Variants in CYP26C1 observed in about 807,000 individuals in gnomAD.
CYP26C1 encodes cytochrome P450 family 26 subfamily C member 1.
A neutral mutation model predicts 39.1 loss-of-function variants in CYP26C1; 41 were observed. The ratio of observed to expected loss-of-function variants is 1.05; its 90% CI spans 0.82 to 1.36. CYP26C1 has a LOEUF of 1.36. Among genes scored for constraint, CYP26C1 ranks in the 40% most tolerant of loss-of-function variants. The pLI is 0.00. For missense variants in CYP26C1, 833 were observed against 752.0 expected (o/e 1.11, Z -1.26); for synonymous variants, 362 against 350.8 (o/e 1.03, Z -0.36).
intron 4 of CYP26C1, among the ~76,000 whole-genome samples, chr10:93,065,372 C>G (rs1223158530): frequency 6.6e-6 from 1 of 152,196 alleles, no homozygotes; most frequent in African/African-American, 2.4e-5. Flanking sequence ...TTAGTGACTC[C>G]CTGGGACCAT....
intron 2 of CYP26C1, among the ~76,000 whole-genome samples, chr10:93,062,438 C>T (rs1846763936): frequency 6.6e-6 from 1 of 152,238 alleles, no homozygotes; most frequent in African/African-American, 2.4e-5. Flanking sequence ...TTTCATCTCC[C>T]ATCTTCCGTG....
chr10:93,063,036 C>G, intron 3 of CYP26C1, 41 bp downstream of exon 3: 1 of 1,508,906 alleles, frequency 6.6e-7, no homozygotes, highest in Non-Finnish European at 8.8e-7. Context: ...CGAGGCTCCG[C>G]GGCGCGGGCG....
At chr10:93,066,729 C>T (rs560098812) in intron 5 of CYP26C1, among the ~76,000 whole-genome samples, 3 of 152,300 alleles carry the variant, frequency 2.0e-5, no homozygotes, top group African/African-American at 7.2e-5. Context: ...TCATTGCGAC[C>T]GGTCCAGGGT....
rs1284847623 is a variant in CYP26C1, at chr10:93,062,947, G to T, written c.657G>T (p.Glu219Asp). ...CCCGGACCTTCGAGCAGCTCGTGGA[G>T]AACCTCTTCTCACTGCCTCTGGACG... ...TLARTFEQLV[E>D]NLFSLPLDVP... Residue 219 changes from glutamate (E) to aspartate (D), a missense_variant, in exon 3 of 6, where the codon GAG becomes GAT. Coordinates refer to ENST00000651965, the MANE Select transcript of CYP26C1 (RefSeq NM_183374.3). 5 of 1,602,460 alleles carry T rather than the reference G, an allele frequency of 3.1e-6. No individual in the cohort carries two copies. In the Admixed American group the frequency reaches 5.0e-5, roughly 16 times the overall value.
Position 93,061,259 on chromosome 10 carries a change from T to C in CYP26C1, c.-5T>C. 6.4e-7 allele frequency: 1 copy of C among 1,569,482 alleles called. No homozygotes were observed. Among genetic ancestry groups the C allele is most frequent in the Non-Finnish European group, 8.6e-7 (1 of 1,159,794 alleles). On this transcript the variant is annotated 5_prime_UTR_variant, in exon 1 of 6. Coordinates refer to ENST00000651965, the MANE Select transcript of CYP26C1 (RefSeq NM_183374.3). The stretch of plus-strand genomic sequence containing the variant: ...TCTGAGCGGCCTGGCCCCCGCGGGC[T>C]CATCATGTTCCCTTGGGGGCTGAGC...
intron 3 of CYP26C1, chr10:93,063,709 G>A: frequency 1.0e-6 from 1 of 983,364 alleles, no homozygotes; most frequent in Non-Finnish European, 1.2e-6. Context: ...AATCCTCGCA[G>A]CCTGCAAAGT....
chr10:93,068,211 C>T (rs1028703303), intron 5 of CYP26C1, 109 bp from the exon 6 acceptor site: 2 of 1,333,810 alleles, frequency 1.5e-6, no homozygotes, highest in African/African-American at 3.0e-5. Context: ...ATCGCGGATT[C>T]CTCCTGGTTT....
At position 93,066,108 on chromosome 10, in the gene CYP26C1, G is replaced by T. The variant is rs1395709363; in HGVS notation, c.1014G>T (p.Ala338=). 2.3e-6 allele frequency: 3 copies of T among 1,316,892 alleles called. No individual in the cohort carries two copies. Among genetic ancestry groups the T allele is most frequent in the Non-Finnish European group, 2.9e-6 (3 of 1,039,682 alleles). 81.6% of individuals were successfully genotyped at this position (1,316,892 alleles called of 1,614,324 possible). A position where few individuals can be genotyped will look rare whatever the true frequency, so the allele number is the denominator to read the frequency against. The change falls in exon 5 of 6, where the codon GCG becomes GCT. Residue 338 remains alanine (A), a synonymous_variant. Coordinates refer to ENST00000651965, the MANE Select transcript of CYP26C1 (RefSeq NM_183374.3). ...GGCTGGGGCGCGCGTGCGGCTGCGCGCCCGGGGCCGCTGGGGGCAGCGAGG... is the reference window on the plus strand; with the variant it reads ...GGCTGGGGCGCGCGTGCGGCTGCGCTCCCGGGGCCGCTGGGGGCAGCGAGG... ...AQGLGRACGC[A]PGAAGGSEGP...
intron 3 of CYP26C1, 135 bp from the exon 4 acceptor site, chr10:93,064,246 G>A: frequency 6.9e-7 from 1 of 1,442,190 alleles, no homozygotes; most frequent in Non-Finnish European, 9.1e-7. Flanking sequence ...CATATGCCAG[G>A]CCAGGAGCTA....
At chr10:93,066,767 G>T (rs1354649725) in intron 5 of CYP26C1, among the ~76,000 whole-genome samples, 1 of 152,156 alleles carries the variant, frequency 6.6e-6, no homozygotes, top group African/African-American at 2.4e-5. Flanking sequence ...TCCAGGGGAG[G>T]GGGGGATTAA....
chr10:93,063,362 C>T lies in CYP26C1; in HGVS notation c.705+367C>T, dbSNP rs1048882764. 1.3e-5 allele frequency: 14 copies of T among 1,041,364 alleles called. No individual in the cohort carries two copies. In the African/African-American group the frequency reaches 2.0e-4, roughly 15 times the overall value. The allele number at this position is 1,041,364 out of a possible 1,614,324, so 64.5% of individuals were successfully genotyped here. On this transcript the variant is annotated intron_variant, in intron 3 of 5. Coordinates refer to ENST00000651965, the MANE Select transcript of CYP26C1 (RefSeq NM_183374.3). ...CCCCTGGGGCCGGCCTCCATCACCT[C>T]TTCGGAAGCCCAGATGGCTGCGGAA... is the stretch of plus-strand genomic sequence containing the variant.
At position 93,063,004 on chromosome 10, in the gene CYP26C1, G is replaced by T; in HGVS notation, c.705+9G>T. 1.3e-6 allele frequency: 2 copies of T among 1,547,984 alleles called. No homozygotes were observed. The highest frequency in any genetic ancestry group is 1.7e-6 in the Non-Finnish European group (2 of 1,148,640). On this transcript the variant is annotated intron_variant, in intron 3 of 5. Transcript: ENST00000651965. ...TCAGTGGCCTACGCAAGGTACGGCCGCCCCGGCTCCAGACCTTCCTCCGAG... is the reference window on the plus strand; with the variant it reads ...TCAGTGGCCTACGCAAGGTACGGCCTCCCCGGCTCCAGACCTTCCTCCGAG...
At chr10:93,064,334 C>T (rs1269975080) in intron 3 of CYP26C1, 47 bp from the exon 4 acceptor site, 1 of 1,567,842 alleles carries the variant, frequency 6.4e-7, no homozygotes. Context: ...CCGGGCTTGG[C>T]CCCCTTAGCC....
intron 1 of CYP26C1, among the ~76,000 whole-genome samples, chr10:93,061,796 ACTT>A (rs1464580710): frequency 6.6e-6 from 1 of 152,162 alleles, no homozygotes; most frequent in African/African-American, 2.4e-5. Flanking sequence ...TTGGGCCCTC[ACTT>A]CTTCACTCTG....
intron 3 of CYP26C1, chr10:93,063,230 C>G: frequency 8.0e-7 from 1 of 1,244,924 alleles, no homozygotes; most frequent in African/African-American, 1.6e-5. Flanking sequence ...CTCCGTGGGA[C>G]GCGCCTGCCG....
At chr10:93,062,309 GC>G in intron 2 of CYP26C1, 75 bp downstream of exon 2, 1 of 1,436,606 alleles carries the variant, frequency 7.0e-7, no homozygotes, top group Non-Finnish European at 9.2e-7. Flanking sequence ...CCAGGCCGGG[GC>G]CCCGGTGTTG....
intron 3 of CYP26C1, 186 bp from the exon 4 acceptor site, chr10:93,064,195 G>A: frequency 7.2e-7 from 1 of 1,387,060 alleles, no homozygotes; most frequent in Non-Finnish European, 9.4e-7. Context: ...AATGATGTTT[G>A]TGGACAGTGG....
chr10:93,062,357 A>AG (rs759188772), intron 2 of CYP26C1, 123 bp downstream of exon 2: 487 of 1,056,920 alleles, frequency 4.6e-4, no homozygotes, highest in Non-Finnish European at 6.2e-4. Flanking sequence ...CCTGGTAACT[A>AG]GCGGGTGGCC....
intron 3 of CYP26C1, chr10:93,063,707 C>T (rs1846780757): frequency 2.0e-6 from 2 of 983,044 alleles, no homozygotes. Context: ...CTAATCCTCG[C>T]AGCCTGCAAA....
Sources: allele counts gnomAD v4.1 joint callset (sites outside exome capture counted in the v4.1 genomes callset), GRCh38; gene constraint gnomAD v4.1.1; transcripts MANE v1.5; gene names NCBI Gene and HGNC (gene_info 2026-07-23, HGNC 2026-07-21).